Variants in CRMP1 observed in about 807,000 individuals in gnomAD.
CRMP1 encodes the protein dihydropyrimidinase-related protein 1.
In CRMP1, 19 loss-of-function variants were observed where a neutral mutation model predicts 68.3. The ratio of observed to expected loss-of-function variants is 0.28; its 90% CI spans 0.19 to 0.41. The LOEUF (loss-of-function observed/expected upper bound fraction) is 0.41. Ranked by LOEUF, CRMP1 falls within the 10% of genes least tolerant of loss-of-function variation. The probability of loss-of-function intolerance (pLI) is 1.00; values close to 1 mark genes in which losing one functional copy is unlikely to be tolerated. For synonymous variants in CRMP1, 439 were observed against 399.6 expected, an observed-to-expected ratio of 1.10 and a Z score of -1.18; for missense variants, 791 against 967.4, an observed-to-expected ratio of 0.82 and a Z score of 2.42.
chr4:5,856,226 C>A lies in CRMP1; in HGVS notation c.737G>T (p.Cys246Phe). The A allele has an allele frequency of 6.2e-7, 1 of 1,614,020 alleles. No individual in the cohort carries two copies. The highest frequency in any genetic ancestry group is 8.5e-7 in the Non-Finnish European group (1 of 1,179,920). Reference protein sequence around the residue: ...KWHEAADTKSCCDYSLHVDIT... With the variant: ...KWHEAADTKSFCDYSLHVDIT... ...GTCCACGTGGAGGGAGTAATCACAG[C>A]AGGATTTGGTGTCAGCTGCTTCGTG... Residue 246 changes from cysteine (C) to phenylalanine (F), a missense_variant, in exon 4 of 14, where the codon TGC (cysteine) becomes TTC (phenylalanine). Transcript: ENST00000324989.
intron 13 of CRMP1, chr4:5,824,976 G>A (rs1719309938): frequency 1.0e-6 from 1 of 985,284 alleles, no homozygotes; most frequent in Admixed American, 6.1e-5. Flanking sequence ...TTTTGACACT[G>A]GATTTCTTGG....
At position 5,865,076 on chromosome 4, in the gene CRMP1, C is replaced by T. The variant is rs115354345; in HGVS notation, c.470+1592G>A. ...ACAGCCCCTTTCCCCCAGCCTCCTCCTCCTCCTCCATCATCATCTCCAAAG... is the reference window on the plus strand; with the variant it reads ...ACAGCCCCTTTCCCCCAGCCTCCTCTTCCTCCTCCATCATCATCTCCAAAG... On this transcript the variant is annotated intron_variant, in intron 2 of 13. Transcript: ENST00000324989. The surrounding 1 kb of genome is among the most constrained non-coding windows in gnomAD (Gnocchi z 4.1). 0.022 allele frequency among the ~76,000 whole-genome samples: 3,379 copies of T among 152,114 alleles called. 63 individuals are homozygous for T. Among genetic ancestry groups the T allele is most frequent in the Non-Finnish European group, 0.035 (2,373 of 68,000 alleles).
intron 11 of CRMP1, 105 bp from the exon 12 acceptor site, chr4:5,828,773 GTT>G: frequency 1.5e-6 from 2 of 1,295,706 alleles, no homozygotes; most frequent in Non-Finnish European, 2.1e-6. Context: ...GTGTTCCAAT[GTT>G]TTTTTTTCTC....
At chr4:5,867,950 G>A (rs185652848) in intron 1 of CRMP1, among the ~76,000 whole-genome samples, 1 of 151,938 alleles carries the variant, frequency 6.6e-6, no homozygotes, top group East Asian at 1.9e-4. Flanking sequence ...GTATGTCTAC[G>A]TAAACATTCA....
intron 11 of CRMP1, among the ~76,000 whole-genome samples, chr4:5,831,666 G>GA (rs745781316): frequency 1.3e-5 from 2 of 152,224 alleles, no homozygotes; most frequent in Admixed American, 1.3e-4. Flanking sequence ...CCTGGGTGAG[G>GA]AACGTGCTGT....
intron 1 of CRMP1, among the ~76,000 whole-genome samples, chr4:5,885,607 T>C (rs1311338117): frequency 6.6e-6 from 1 of 152,152 alleles, no homozygotes; most frequent in South Asian, 2.1e-4. Flanking sequence ...TGGGGCCCCA[T>C]GGGCTCCACA....
rs547253524 is a variant in CRMP1 at position 5,865,431 on chromosome 4, C to T, written c.470+1237G>A. ...GGTCAGGAGATCGAGACCATCCTGGCCAACATGGTGAAACCCCCGTCTCTA... is the reference window on the plus strand; with the variant it reads ...GGTCAGGAGATCGAGACCATCCTGGTCAACATGGTGAAACCCCCGTCTCTA... On this transcript the variant is annotated intron_variant, in intron 2 of 13. Coordinates refer to ENST00000324989, the MANE Select transcript of CRMP1 (RefSeq NM_001014809.3). This position sits in a 1 kb window ranked among gnomAD's most constrained non-coding sequence, Gnocchi z 4.1. Among the ~76,000 whole-genome samples, 1 of 151,938 alleles carries T rather than the reference C, an allele frequency of 6.6e-6. No homozygotes were observed. The highest frequency in any genetic ancestry group is 1.5e-5 in the Non-Finnish European group (1 of 68,000).
Position 5,843,235 on chromosome 4 carries a change from G to A in CRMP1, c.964-74C>T, listed in dbSNP as rs1711924183. On this transcript the variant is annotated intron_variant, in intron 6 of 13. Coordinates refer to ENST00000324989, the MANE Select transcript of CRMP1 (RefSeq NM_001014809.3). This position sits in a 1 kb window ranked among gnomAD's most constrained non-coding sequence, Gnocchi z 4.1. ...GGAGAAGTGACTCCTCCAACCCCCT[G>A]GTTAGACAGAGGGGGCAGCTGGGTC... 1.3e-6 allele frequency: 2 copies of A among 1,504,374 alleles called. No individual in the cohort carries two copies. Among genetic ancestry groups the A allele is most frequent in the Non-Finnish European group, 1.8e-6 (2 of 1,081,480 alleles). 93.2% of individuals were successfully genotyped at this position (1,504,374 alleles called of 1,614,324 possible).
In CRMP1 at chr4:5,881,492, C is replaced by T. The variant is rs1715217510; in HGVS notation, c.381+11097G>A. Among the ~76,000 whole-genome samples the T allele has an allele frequency of 6.6e-6, 1 of 152,172 alleles. No individual in the cohort carries two copies. Among genetic ancestry groups the T allele is most frequent in the East Asian group, 1.9e-4 (1 of 5,182 alleles). On this transcript the variant is annotated intron_variant, in intron 1 of 13. Coordinates refer to ENST00000324989, the MANE Select transcript of CRMP1 (RefSeq NM_001014809.3). This position sits in a 1 kb window ranked among gnomAD's most constrained non-coding sequence, Gnocchi z 4.6. The stretch of plus-strand genomic sequence containing the variant: ...CCCTCCCACTGCAGTGTGACTGTAG[C>T]TGTCTTACAGGTCTATCATAGCTCT...
intron 11 of CRMP1, among the ~76,000 whole-genome samples, chr4:5,830,622 T>C (rs1720304284): frequency 6.6e-6 from 1 of 152,244 alleles, no homozygotes; most frequent in South Asian, 2.1e-4. Flanking sequence ...GTCTCCTTTA[T>C]TGTAAACCAA....
chr4:5,836,318 T>C (rs4599349), intron 10 of CRMP1, among the ~76,000 whole-genome samples: 8 of 152,184 alleles, frequency 5.3e-5, no homozygotes, highest in Non-Finnish European at 8.8e-5. Flanking sequence ...TGACATCTTG[T>C]CCATGTCACC....
chr4:5,843,725 C>T lies in CRMP1; in HGVS notation c.964-564G>A, dbSNP rs116671752. 7.3e-3 allele frequency among the ~76,000 whole-genome samples: 1,116 copies of T among 152,222 alleles called. 12 individuals are homozygous for T. The highest frequency in any genetic ancestry group is 0.035 in the South Asian group (170 of 4,814). On this transcript the variant is annotated intron_variant, in intron 6 of 13. Transcript: ENST00000324989. This position sits in a 1 kb window ranked among gnomAD's most constrained non-coding sequence, Gnocchi z 4.1. ...AGAGTTACTACGCTGATCAGATGAG[C>T]GAGCATACGAAACATGCTCAGCACA... is the stretch of plus-strand genomic sequence containing the variant.
intron 1 of CRMP1, among the ~76,000 whole-genome samples, chr4:5,874,527 G>A (rs1456577971): frequency 6.6e-6 from 1 of 152,116 alleles, no homozygotes; most frequent in Admixed American, 6.5e-5. Flanking sequence ...TCATGGCCAG[G>A]GGAGTTCTGC....
chr4:5,856,153 C>T lies in CRMP1; in HGVS notation c.810G>A (p.Val270=). ...DGVREELEVL[V]QDKGVNSFQV... ...GAGGCTTTAACTGACCTTTGTCCTG[C>T]ACCAGCACCTCCAGCTCCTCCCGAA... The change falls in exon 4 of 14, where the codon GTG becomes GTA. Residue 270 remains valine (V), a synonymous_variant. Coordinates refer to ENST00000324989, the MANE Select transcript of CRMP1 (RefSeq NM_001014809.3). 1 of 1,613,942 alleles carries T rather than the reference C, an allele frequency of 6.2e-7. No homozygotes were observed. Among genetic ancestry groups the T allele is most frequent in the Non-Finnish European group, 8.5e-7 (1 of 1,179,884 alleles).
rs1392217401 is a variant in CRMP1 at position 5,872,691 on chromosome 4, A to G, written c.382-5935T>C. ...AACAGAGCGAGACTCCATCTCAAAA[A>G]ACAATTATTATGTATAAACCTTGAA... On this transcript the variant is annotated intron_variant, in intron 1 of 13. Coordinates refer to ENST00000324989, the MANE Select transcript of CRMP1 (RefSeq NM_001014809.3). The surrounding 1 kb of genome is among the most constrained non-coding windows in gnomAD (Gnocchi z 4.6). Among the ~76,000 whole-genome samples, 1 of 152,222 alleles carries G rather than the reference A, an allele frequency of 6.6e-6. No individual in the cohort carries two copies. The highest frequency in any genetic ancestry group is 1.5e-5 in the Non-Finnish European group (1 of 68,040).
In CRMP1 at chr4:5,871,430, G is replaced by A. The variant is rs932340964; in HGVS notation, c.382-4674C>T. On this transcript the variant is annotated intron_variant, in intron 1 of 13. Transcript: ENST00000324989. Reference sequence around the variant, plus strand: ...AATCCCAGCACTTTGGGAGGCTGAGGTGGGCGGATCACGAGGTCAGGAGAT... The same window carrying A: ...AATCCCAGCACTTTGGGAGGCTGAGATGGGCGGATCACGAGGTCAGGAGAT... 2.0e-5 allele frequency among the ~76,000 whole-genome samples: 3 copies of A among 152,264 alleles called. No individual in the cohort carries two copies. In the South Asian group the frequency reaches 6.2e-4, roughly 32 times the overall value.
At chr4:5,856,383 C>A (rs1030182577) in intron 3 of CRMP1, 76 bp from the exon 4 acceptor site, 1 of 1,284,588 alleles carries the variant, frequency 7.8e-7, no homozygotes, top group Admixed American at 1.9e-5. Context: ...ACCACTACCA[C>A]CATCATCACC....
chr4:5,846,458 C>G (rs1459338810), intron 6 of CRMP1, among the ~76,000 whole-genome samples: 1 of 152,054 alleles, frequency 6.6e-6, no homozygotes, highest in African/African-American at 2.4e-5. Flanking sequence ...GAAGTGGGTG[C>G]CTTTTGTCTT....
intron 1 of CRMP1, chr4:5,887,772 T>C: frequency 1.0e-6 from 1 of 987,102 alleles, no homozygotes; most frequent in Non-Finnish European, 1.2e-6. Context: ...GATGATCTTT[T>C]TCCCTCCTCC....
Sources: gnomAD v4.1 joint callset for allele counts (sites outside exome capture counted in the v4.1 genomes callset) on GRCh38, gnomAD v4.1.1 for gene constraint, Gnocchi (gnomAD v3.1) non-coding constraint, MANE v1.5 for transcripts, NCBI Gene and HGNC (gene_info 2026-07-23, HGNC 2026-07-21) for gene names.